CDK19: variants seen among roughly 807,000 people sequenced by gnomAD.
CDK19 encodes the protein cyclin dependent kinase 19, also known as cyclin-dependent kinase 19.
CDK19 carries 20 observed loss-of-function variants against 68.3 expected under a neutral mutation model. The ratio of observed to expected loss-of-function variants is 0.29; its 90% CI spans 0.21 to 0.43. The LOEUF (loss-of-function observed/expected upper bound fraction) is 0.43, where lower values mean the gene tolerates loss of function less well. CDK19 is among the 20% of genes least tolerant of loss of function. The pLI is 1.00. For synonymous variants in CDK19, 221 were observed against 222.8 expected, an observed-to-expected ratio of 0.99 and a Z score of 0.07; for missense variants, 339 against 623.5, an observed-to-expected ratio of 0.54 and a Z score of 4.86.
At chr6:110,771,052 G>A (rs1190552749) in intron 1 of CDK19, among the ~76,000 whole-genome samples, 1 of 152,148 alleles carries the variant, frequency 6.6e-6, no homozygotes, top group Non-Finnish European at 1.5e-5. Context: ...GGCTGGTGTT[G>A]AGTGTCTGCA....
intron 1 of CDK19, among the ~76,000 whole-genome samples, chr6:110,792,533 G>A (rs1450652676): frequency 6.6e-6 from 1 of 151,974 alleles, no homozygotes; most frequent in African/African-American, 2.4e-5. Flanking sequence ...TCAGCCTCCC[G>A]AGTAGCTGGG....
intron 1 of CDK19, among the ~76,000 whole-genome samples, chr6:110,785,832 C>T (rs1180888158): frequency 6.6e-6 from 1 of 152,050 alleles, no homozygotes; most frequent in African/African-American, 2.4e-5. Flanking sequence ...AATACAAAAT[C>T]AGCCAGGCGT....
chr6:110,814,953 G>A (rs201366746), intron 1 of CDK19, 56 bp downstream of exon 1: 15 of 1,592,652 alleles, frequency 9.4e-6, no homozygotes, highest in African/African-American at 2.8e-5. Flanking sequence ...CATCCCGCCA[G>A]GTCGCGGGCA....
intron 4 of CDK19, among the ~76,000 whole-genome samples, chr6:110,659,735 G>A (rs1251446977): frequency 1.3e-5 from 2 of 152,124 alleles, no homozygotes; most frequent in Admixed American, 1.3e-4. Context: ...AGAAGAGAAG[G>A]GGAGAGGAGA....
chr6:110,793,389 C>A (rs1021887896), intron 1 of CDK19, among the ~76,000 whole-genome samples: 1 of 151,926 alleles, frequency 6.6e-6, no homozygotes, highest in Non-Finnish European at 1.5e-5. Flanking sequence ...AAGATAAGGA[C>A]AACATCAGCA....
intron 2 of CDK19, among the ~76,000 whole-genome samples, chr6:110,728,439 G>T (rs1362667364): frequency 6.6e-6 from 1 of 151,998 alleles, no homozygotes; most frequent in Non-Finnish European, 1.5e-5. Context: ...TCTGCCCTCA[G>T]GAAAAATCTC....
At chr6:110,703,374 C>A (rs1236978803) in intron 2 of CDK19, among the ~76,000 whole-genome samples, 4 of 151,742 alleles carry the variant, frequency 2.6e-5, no homozygotes, top group Non-Finnish European at 5.9e-5. Flanking sequence ...ATTTCAAAAC[C>A]AAGAATGATT....
At chr6:110,734,520 G>GCTCTCCCTCTCT (rs1777051434) in intron 2 of CDK19, among the ~76,000 whole-genome samples, 1 of 85,734 alleles carries the variant, frequency 1.2e-5, no homozygotes, top group Non-Finnish European at 2.3e-5. Context: ...GGTGAGCACT[G>GCTCTCCCTCTCT]CTCTCTCTCT....
chr6:110,635,625 C>T lies in CDK19; in HGVS notation c.514+3024G>A, dbSNP rs963872217. ...CATGATCTCGGCTCACTGCAACCTCCGCCTCCCGGGTTCAAGCACTTCTCC... is the reference window on the plus strand; with the variant it reads ...CATGATCTCGGCTCACTGCAACCTCTGCCTCCCGGGTTCAAGCACTTCTCC... On this transcript the variant is annotated intron_variant, in intron 5 of 12. Coordinates refer to ENST00000368911, the MANE Select transcript of CDK19 (RefSeq NM_015076.5). Among the ~76,000 whole-genome samples the T allele has an allele frequency of 3.3e-5, 5 of 152,166 alleles. No individual in the cohort carries two copies. In the South Asian group the frequency reaches 6.2e-4, roughly 19 times the overall value.
At chr6:110,670,762 CTGTTT>C (rs776897665) in intron 2 of CDK19, 49 of 631,716 alleles carry the variant, frequency 7.8e-5, no homozygotes, top group East Asian at 6.4e-4. Flanking sequence ...TTAGGTATAT[CTGTTT>C]TGTTTTGTTT....
At chr6:110,729,437 A>G (rs891591694) in intron 2 of CDK19, among the ~76,000 whole-genome samples, 1 of 151,854 alleles carries the variant, frequency 6.6e-6, no homozygotes, top group Non-Finnish European at 1.5e-5. Context: ...TTGTTTGTTT[A>G]TTTATTTTTG....
At chr6:110,631,852 A>C (rs1309209918) in intron 6 of CDK19, among the ~76,000 whole-genome samples, 178 bp downstream of exon 6, 1 of 152,252 alleles carries the variant, frequency 6.6e-6, no homozygotes, top group East Asian at 1.9e-4. Flanking sequence ...TTTTAAAATA[A>C]CCATATTCTC....
intron 5 of CDK19, among the ~76,000 whole-genome samples, chr6:110,632,459 G>A (rs1779497242): frequency 6.6e-6 from 1 of 152,180 alleles, no homozygotes; most frequent in South Asian, 2.1e-4. Context: ...GGGCTGGTGG[G>A]GTGGCTCACA....
At chr6:110,649,819 G>T (rs542880675) in intron 4 of CDK19, among the ~76,000 whole-genome samples, 54 of 152,190 alleles carry the variant, frequency 3.5e-4, no homozygotes, top group Admixed American at 8.5e-4. Flanking sequence ...TACTAGATGG[G>T]TTCAAAATTT....
At chr6:110,691,762 C>T (rs1187308255) in intron 2 of CDK19, among the ~76,000 whole-genome samples, 1 of 151,248 alleles carries the variant, frequency 6.6e-6, no homozygotes, top group African/African-American at 2.4e-5. Flanking sequence ...ATTCTCCTGC[C>T]TCAGCCTCCT....
chr6:110,694,074 GAA>G (rs778030187), intron 2 of CDK19, among the ~76,000 whole-genome samples: 1,945 of 102,926 alleles, frequency 0.019, 48 homozygotes, highest in African/African-American at 0.064. Flanking sequence ...ATAACACAAT[GAA>G]AAAAAAAAAA....
intron 2 of CDK19, among the ~76,000 whole-genome samples, chr6:110,690,930 A>G (rs1286989396): frequency 1.3e-5 from 2 of 152,228 alleles, no homozygotes; most frequent in Non-Finnish European, 2.9e-5. Flanking sequence ...CCCAAATGAC[A>G]AGGAACCAGA....
At chr6:110,811,108 A>C (rs1271197234) in intron 1 of CDK19, among the ~76,000 whole-genome samples, 1 of 152,332 alleles carries the variant, frequency 6.6e-6, no homozygotes, top group Non-Finnish European at 1.5e-5. Flanking sequence ...ATTTGTAAAA[A>C]GAGGAAATTG....
intron 5 of CDK19, among the ~76,000 whole-genome samples, chr6:110,632,510 C>T (rs1395645548): frequency 6.6e-6 from 1 of 152,166 alleles, no homozygotes. Flanking sequence ...GTGGGCGGAT[C>T]ACCTAATGTC....
Sources: gnomAD v4.1 joint callset for allele counts (sites outside exome capture counted in the v4.1 genomes callset) on GRCh38, gnomAD v4.1.1 for gene constraint, MANE v1.5 for transcripts, NCBI Gene and HGNC (gene_info 2026-07-23, HGNC 2026-07-21) for gene names.